PLGRKT: variants seen among roughly 807,000 people sequenced by gnomAD.
The protein encoded by PLGRKT is plasminogen receptor with a C-terminal lysine, also known as plasminogen receptor (KT).
Under a neutral mutation model 18.5 loss-of-function variants are expected in PLGRKT, and 22 were observed. That is an observed-to-expected ratio of 1.19 (90% confidence interval 0.85 to 1.70). The LOEUF (loss-of-function observed/expected upper bound fraction) is 1.70. Among genes scored for constraint, PLGRKT ranks in the 40% most tolerant of loss-of-function variants. The pLI, the probability that PLGRKT is intolerant of heterozygous loss-of-function variation, is 0.00. For synonymous variants in PLGRKT, 72 were observed against 52.8 expected, an observed-to-expected ratio of 1.36 and a Z score of -1.58; for missense variants, 235 against 174.4, an observed-to-expected ratio of 1.35 and a Z score of -1.96.
intron 3 of PLGRKT, among the ~76,000 whole-genome samples, chr9:5,389,636 C>T (rs1817909731): frequency 6.6e-6 from 1 of 151,838 alleles, no homozygotes; most frequent in Non-Finnish European, 1.5e-5. Context: ...CCTAGACATG[C>T]TCATCTTCTC....
intron 3 of PLGRKT, among the ~76,000 whole-genome samples, chr9:5,429,352 C>A (rs575385887): frequency 1.3e-5 from 2 of 152,332 alleles, no homozygotes; most frequent in African/African-American, 4.8e-5. Flanking sequence ...CTGCTTGGCA[C>A]AGGCACCAAA....
chr9:5,414,858 G>A (rs558559775), intron 3 of PLGRKT, among the ~76,000 whole-genome samples: 1 of 152,312 alleles, frequency 6.6e-6, no homozygotes, highest in African/African-American at 2.4e-5. Context: ...GAGCTAGAAT[G>A]AAATGTGTCA....
In PLGRKT at chr9:5,382,402, T is replaced by C. The variant is rs1586714026; in HGVS notation, c.82-20514A>G. ...AAATGACGTTGAAGCTGAAGATCTA[T>C]AGGAGTTAGCCAGGTGAGGGGAGAT... On this transcript the variant is annotated intron_variant, in intron 3 of 5. Transcript: ENST00000223864. Among the ~76,000 whole-genome samples, 4 of 152,218 alleles carry C rather than the reference T, an allele frequency of 2.6e-5. No homozygotes were observed. In the South Asian group the frequency reaches 8.3e-4, roughly 32 times the overall value.
intron 3 of PLGRKT, among the ~76,000 whole-genome samples, chr9:5,380,297 G>T (rs1817716128): frequency 6.6e-6 from 1 of 151,426 alleles, no homozygotes; most frequent in Admixed American, 6.6e-5. Context: ...CCCAGGATGT[G>T]GAGCTTGCAC....
At chr9:5,426,894 C>T (rs1818712234) in intron 3 of PLGRKT, among the ~76,000 whole-genome samples, 2 of 152,288 alleles carry the variant, frequency 1.3e-5, no homozygotes, top group South Asian at 4.1e-4. Context: ...CAGCATCCAA[C>T]GAGGCTCTCC....
chr9:5,358,260 A>C lies in PLGRKT; in HGVS notation c.423T>G (p.Ser141Arg). The C allele has an allele frequency of 6.2e-7, 1 of 1,609,460 alleles. No homozygotes were observed. The highest frequency in any genetic ancestry group is 8.5e-7 in the Non-Finnish European group (1 of 1,176,060). The change falls in exon 6 of 6, where the codon AGT (serine) becomes AGG (arginine). Residue 141 changes from serine (S) to arginine (R), a missense_variant. Coordinates refer to ENST00000223864, the MANE Select transcript of PLGRKT (RefSeq NM_018465.4). ...ESIEKARKEQ[S>R]RFFIDK ...GATTTCATTTGTCTATGAAGAATCT[A>C]CTCTGTTCCTTTCTGGCTTTTTCAA...
At chr9:5,369,793 A>G (rs1009680329) in intron 3 of PLGRKT, among the ~76,000 whole-genome samples, 3 of 152,222 alleles carry the variant, frequency 2.0e-5, no homozygotes, top group Admixed American at 6.5e-5. Flanking sequence ...TTGCAGGGAC[A>G]TGGATGAAGC....
chr9:5,391,686 A>C lies in PLGRKT; in HGVS notation c.82-29798T>G, dbSNP rs1817952247. On this transcript the variant is annotated intron_variant, in intron 3 of 5. Transcript: ENST00000223864. Reference sequence around the variant, plus strand: ...TAAGGCTAGCTCTTCTCCATGGATGAACCAATAAACAAAGCAAGCAGCCCC... The same window carrying C: ...TAAGGCTAGCTCTTCTCCATGGATGCACCAATAAACAAAGCAAGCAGCCCC... Among the ~76,000 whole-genome samples, 2 of 151,930 alleles carry C rather than the reference A, an allele frequency of 1.3e-5. 1 individual carries two copies. Among genetic ancestry groups the C allele is most frequent in the African/African-American group, 4.9e-5 (2 of 41,180 alleles).
intron 3 of PLGRKT, among the ~76,000 whole-genome samples, chr9:5,389,781 C>T (rs1446939475): frequency 6.6e-6 from 1 of 151,820 alleles, no homozygotes; most frequent in Non-Finnish European, 1.5e-5. Context: ...TGGCATTCTC[C>T]CTAATGACCG....
intron 3 of PLGRKT, among the ~76,000 whole-genome samples, chr9:5,420,350 G>A (rs918407837): frequency 3.3e-4 from 50 of 152,192 alleles, no homozygotes; most frequent in African/African-American, 1.2e-3. Flanking sequence ...CACTGTACAT[G>A]TACTAAATGT....
chr9:5,366,747 C>G (rs1014425900), intron 3 of PLGRKT, among the ~76,000 whole-genome samples: 10 of 152,018 alleles, frequency 6.6e-5, no homozygotes, highest in Non-Finnish European at 8.8e-5. Context: ...AAGTCCTAGC[C>G]AGAGCAATCA....
At chr9:5,365,116 C>CAA (rs34685976) in intron 3 of PLGRKT, among the ~76,000 whole-genome samples, 1 of 151,478 alleles carries the variant, frequency 6.6e-6, no homozygotes, top group Admixed American at 6.6e-5. Context: ...TTCTACTCTC[C>CAA]AAAAAAAAAT....
intron 3 of PLGRKT, among the ~76,000 whole-genome samples, chr9:5,410,351 C>T (rs1336417291): frequency 7.9e-5 from 12 of 151,924 alleles, no homozygotes; most frequent in Admixed American, 3.9e-4. Flanking sequence ...GCCTAGGCAA[C>T]ATGGTGAAAC....
Position 5,404,471 on chromosome 9 carries a change from A to G in PLGRKT, c.81+27426T>C, listed in dbSNP as rs185226719. On this transcript the variant is annotated intron_variant, in intron 3 of 5. Transcript: ENST00000223864. ...TCCCCAGGATGCAAGGGTTGGTTCA[A>G]CATACACAAATCAATAAATGTGATT... Among the ~76,000 whole-genome samples, 6 of 152,356 alleles carry G rather than the reference A, an allele frequency of 3.9e-5. No individual in the cohort carries two copies. In the East Asian group the frequency reaches 1.2e-3, roughly 29 times the overall value.
At chr9:5,426,828 T>TA (rs1818711082) in intron 3 of PLGRKT, among the ~76,000 whole-genome samples, 2 of 152,254 alleles carry the variant, frequency 1.3e-5, no homozygotes, top group South Asian at 2.1e-4. Flanking sequence ...ATGAAAATGA[T>TA]AGAGTCCACA....
At chr9:5,433,852 T>C (rs1818891224) in intron 2 of PLGRKT, among the ~76,000 whole-genome samples, 1 of 131,330 alleles carries the variant, frequency 7.6e-6, no homozygotes, top group African/African-American at 3.0e-5. Flanking sequence ...ATCTGGGATG[T>C]GAGGAGCGCC....
At chr9:5,377,823 G>A (rs1817659733) in intron 3 of PLGRKT, among the ~76,000 whole-genome samples, 1 of 152,160 alleles carries the variant, frequency 6.6e-6, no homozygotes, top group Non-Finnish European at 1.5e-5. Context: ...TCTCTTGGGG[G>A]AAGCTTTTAT....
At chr9:5,379,997 C>G (rs777072242) in intron 3 of PLGRKT, among the ~76,000 whole-genome samples, 1 of 152,100 alleles carries the variant, frequency 6.6e-6, no homozygotes, top group Non-Finnish European at 1.5e-5. Context: ...AACTGGGGAC[C>G]AATTAAATGT....
intron 3 of PLGRKT, among the ~76,000 whole-genome samples, chr9:5,427,512 T>C (rs1271568558): frequency 1.3e-5 from 2 of 152,256 alleles, no homozygotes; most frequent in African/African-American, 2.4e-5. Context: ...AGTATACTGT[T>C]ACAATTACTC....
Sources: allele counts gnomAD v4.1 joint callset (sites outside exome capture counted in the v4.1 genomes callset), GRCh38; gene constraint gnomAD v4.1.1; transcripts MANE v1.5; gene names NCBI Gene and HGNC (gene_info 2026-07-23, HGNC 2026-07-21).